VSNL1: variants seen among roughly 807,000 people sequenced by gnomAD.
VSNL1 encodes the protein visinin like 1.
VSNL1 carries 6 observed loss-of-function variants against 20.4 expected under a neutral mutation model. The observed-to-expected ratio is 0.29, with a 90% CI of 0.16 to 0.58. The LOEUF (loss-of-function observed/expected upper bound fraction) is 0.58. Ranked by LOEUF, VSNL1 falls within the 20% of genes least tolerant of loss-of-function variation. The pLI is 0.90. For synonymous variants in VSNL1, 93 were observed against 86.4 expected, an observed-to-expected ratio of 1.08 and a Z score of -0.42; for missense variants, 100 against 234.5, an observed-to-expected ratio of 0.43 and a Z score of 3.75.
intron 2 of VSNL1, among the ~76,000 whole-genome samples, chr2:17,626,301 C>T (rs1249055700): frequency 6.6e-6 from 1 of 152,176 alleles, no homozygotes; most frequent in Admixed American, 6.5e-5. Context: ...GGCCACGTTC[C>T]CCTGAGGACT....
At chr2:17,559,629 C>T (rs968503744) in intron 1 of VSNL1, among the ~76,000 whole-genome samples, 1 of 152,080 alleles carries the variant, frequency 6.6e-6, no homozygotes, top group Non-Finnish European at 1.5e-5. Flanking sequence ...TAATATCCTT[C>T]CAGTTCTACC....
intron 1 of VSNL1, among the ~76,000 whole-genome samples, chr2:17,590,921 ATTTTCAAGTTTAACTTGAC>A (rs1664580277): frequency 6.6e-6 from 1 of 152,082 alleles, no homozygotes; most frequent in Admixed American, 6.6e-5. Flanking sequence ...AAATTTTCCA[ATTTTCAAGTTTAACTTGAC>A]TTTTTAAATC....
At chr2:17,548,669 C>G (rs1291269852) in intron 1 of VSNL1, among the ~76,000 whole-genome samples, 3 of 152,148 alleles carry the variant, frequency 2.0e-5, no homozygotes, top group African/African-American at 7.2e-5. Context: ...TTCTGACCAC[C>G]TTCTCAGTTA....
At chr2:17,618,896 A>G (rs767118971) in intron 2 of VSNL1, among the ~76,000 whole-genome samples, 1 of 152,136 alleles carries the variant, frequency 6.6e-6, no homozygotes, top group Non-Finnish European at 1.5e-5. Flanking sequence ...TGTTTTTTCC[A>G]TATGTCACCA....
At chr2:17,597,166 A>G (rs758757391) in intron 2 of VSNL1, among the ~76,000 whole-genome samples, 1 of 152,200 alleles carries the variant, frequency 6.6e-6, no homozygotes, top group Non-Finnish European at 1.5e-5. Flanking sequence ...ACTATGAGGC[A>G]GTGTCATCCC....
intron 1 of VSNL1, among the ~76,000 whole-genome samples, chr2:17,571,774 T>C (rs935297131): frequency 1.3e-5 from 2 of 152,080 alleles, no homozygotes; most frequent in Non-Finnish European, 2.9e-5. Context: ...ACAAAGAATA[T>C]AAAGCAAGGT....
At chr2:17,560,440 T>C (rs1663787168) in intron 1 of VSNL1, among the ~76,000 whole-genome samples, 1 of 152,048 alleles carries the variant, frequency 6.6e-6, no homozygotes, top group African/African-American at 2.4e-5. Context: ...TGGAACAAAA[T>C]AGAGTATTCA....
intron 1 of VSNL1, among the ~76,000 whole-genome samples, chr2:17,552,889 T>G (rs1370701843): frequency 6.6e-6 from 1 of 152,192 alleles, no homozygotes; most frequent in Non-Finnish European, 1.5e-5. Context: ...GGCTTTAAAC[T>G]AAAGATAGGC....
intron 2 of VSNL1, among the ~76,000 whole-genome samples, chr2:17,602,464 C>T (rs1006656388): frequency 3.3e-5 from 5 of 152,116 alleles, no homozygotes; most frequent in Admixed American, 6.5e-5. Flanking sequence ...TCAAAGCAGC[C>T]GGGTGTGGTG....
At chr2:17,651,212 C>G (rs1237965375) in intron 3 of VSNL1, among the ~76,000 whole-genome samples, 1 of 152,208 alleles carries the variant, frequency 6.6e-6, no homozygotes. Context: ...GCCCTTCAGC[C>G]AAAGTCCCCA....
chr2:17,566,600 A>G (rs1166849516), intron 1 of VSNL1, among the ~76,000 whole-genome samples: 2 of 152,144 alleles, frequency 1.3e-5, no homozygotes, highest in Non-Finnish European at 1.5e-5. Flanking sequence ...TTCCTTATAA[A>G]TTCTGAATGC....
intron 1 of VSNL1, among the ~76,000 whole-genome samples, chr2:17,589,209 G>A (rs1664543974): frequency 6.6e-6 from 1 of 152,168 alleles, no homozygotes; most frequent in Admixed American, 6.5e-5. Flanking sequence ...GCAGAGCCAT[G>A]GAAGTGTGGA....
At chr2:17,546,070 A>G (rs1438448865) in intron 1 of VSNL1, 1 of 152,032 alleles carries the variant, frequency 6.6e-6, no homozygotes, top group Non-Finnish European at 1.5e-5. Context: ...TAAGACTTGG[A>G]GTACTCTCAT....
At chr2:17,594,545 AT>A (rs1235323984) in intron 2 of VSNL1, among the ~76,000 whole-genome samples, 1 of 152,222 alleles carries the variant, frequency 6.6e-6, no homozygotes, top group Non-Finnish European at 1.5e-5. Flanking sequence ...AAAAATGCAA[AT>A]ATTCAGCAAG....
chr2:17,605,401 G>A (rs1664921704), intron 2 of VSNL1, among the ~76,000 whole-genome samples: 1 of 152,072 alleles, frequency 6.6e-6, no homozygotes, highest in Non-Finnish European at 1.5e-5. Context: ...GCTTCTATGT[G>A]AAAAAAAGTT....
At chr2:17,578,042 G>A (rs546522850) in intron 1 of VSNL1, among the ~76,000 whole-genome samples, 2 of 152,192 alleles carry the variant, frequency 1.3e-5, no homozygotes, top group South Asian at 4.2e-4. Context: ...CACATAGTGA[G>A]CACTTGATCA....
At chr2:17,640,172 C>T (rs1267256841) in intron 2 of VSNL1, among the ~76,000 whole-genome samples, 1 of 151,494 alleles carries the variant, frequency 6.6e-6, no homozygotes, top group Non-Finnish European at 1.5e-5. Context: ...ATCGCTTGAA[C>T]CTGGGAGGCA....
rs1666215709 is a variant in VSNL1, at chr2:17,655,610, C to T, written c.*216C>T. The T allele has an allele frequency of 1.9e-6, 1 of 519,570 alleles. No homozygotes were observed. Among genetic ancestry groups the T allele is most frequent in the South Asian group, 2.6e-5 (1 of 37,742 alleles). The allele number at this position is 519,570 out of a possible 1,614,324, so 32.2% of individuals were successfully genotyped here. A position where few individuals can be genotyped will look rare whatever the true frequency, so the allele number is the denominator to read the frequency against. On this transcript the variant is annotated 3_prime_UTR_variant, in exon 4 of 4. Coordinates refer to ENST00000295156, the MANE Select transcript of VSNL1 (RefSeq NM_003385.5). This position sits in a 1 kb window ranked among gnomAD's most constrained non-coding sequence, Gnocchi z 5.2. ...TTTTAAAAGCATATATAAAACAAAA[C>T]AAACAACCTGCCACAATGTGATATG...
intron 2 of VSNL1, among the ~76,000 whole-genome samples, chr2:17,611,881 T>G (rs1236636203): frequency 1.3e-5 from 2 of 152,238 alleles, no homozygotes; most frequent in African/African-American, 2.4e-5. Flanking sequence ...GCTAAGGGAT[T>G]TATAGTTTAT....
Sources: gnomAD v4.1 joint callset for allele counts (sites outside exome capture counted in the v4.1 genomes callset) on GRCh38, gnomAD v4.1.1 for gene constraint, Gnocchi (gnomAD v3.1) non-coding constraint, MANE v1.5 for transcripts, NCBI Gene and HGNC (gene_info 2026-07-23, HGNC 2026-07-21) for gene names.